Variants in OR1D2 observed in about 807,000 individuals in gnomAD.
OR1D2 encodes the protein olfactory receptor 1D2.
For missense variants in OR1D2, 357 were observed against 376.1 expected (o/e 0.95, Z 0.42); for synonymous variants, 157 against 153.9 (o/e 1.02, Z -0.15).
At chr17:3,095,368 G>C (rs1419360514) in intron 1 of OR1D2, among the ~76,000 whole-genome samples, 1 of 151,934 alleles carries the variant, frequency 6.6e-6, no homozygotes, top group African/African-American at 2.4e-5. Context: ...ATTCAAAATG[G>C]TTGAAGAAAA....
At chr17:3,100,015 C>A (rs769839071) in intron 1 of OR1D2, among the ~76,000 whole-genome samples, 14 of 152,104 alleles carry the variant, frequency 9.2e-5, no homozygotes, top group Non-Finnish European at 1.8e-4. Context: ...TACAGGAGCA[C>A]CCAGATTCGT....
chr17:3,093,293 G>A (rs560602350), intron 1 of OR1D2, among the ~76,000 whole-genome samples: 38 of 152,252 alleles, frequency 2.5e-4, no homozygotes, highest in Admixed American at 7.8e-4. Context: ...AGTGTGTTAT[G>A]ATATGTATAT....
rs1176226506 is a variant in OR1D2, at chr17:3,088,696, C to G, written c.*3362G>C. 1 of 138,712 alleles carries G rather than the reference C, an allele frequency of 7.2e-6. No individual in the cohort carries two copies. Among genetic ancestry groups the G allele is most frequent in the African/African-American group, 2.5e-5 (1 of 39,530 alleles). The allele number at this position is 138,712 out of a possible 1,614,324, so 8.6% of individuals were successfully genotyped here. A position where few individuals can be genotyped will look rare whatever the true frequency, so the allele number is the denominator to read the frequency against. ...GAACAGGACAGGGATTTTTACAATG[C>G]TTTTCCATACAATGTCTGTAATCTA... On this transcript the variant is annotated 3_prime_UTR_variant, in exon 2 of 2. Transcript: ENST00000641833.
chr17:3,104,041 A>G (rs1410810847), intron 1 of OR1D2, 58 bp downstream of exon 1: 1 of 152,142 alleles, frequency 6.6e-6, no homozygotes, highest in Non-Finnish European at 1.5e-5. Context: ...AAGAGAGAAG[A>G]TAAGAGAGAA....
intron 1 of OR1D2, among the ~76,000 whole-genome samples, chr17:3,100,405 C>A (rs1032466663): frequency 1.3e-5 from 2 of 152,170 alleles, no homozygotes; most frequent in Non-Finnish European, 2.9e-5. Context: ...GGAAATTGAA[C>A]AACCTACTCC....
Position 3,091,954 on chromosome 17 carries a change from G to A in OR1D2, c.*104C>T. On this transcript the variant is annotated 3_prime_UTR_variant, in exon 2 of 2. Coordinates refer to ENST00000641833, the MANE Select transcript of OR1D2 (RefSeq NM_002548.3). ...CATATCTATATGCTGTCTCTGAGCT[G>A]GAGCCATGTCCCAATCACTGCTGTA... is the stretch of plus-strand genomic sequence containing the variant. 1.2e-6 allele frequency: 1 copy of A among 846,408 alleles called. No individual in the cohort carries two copies. Among genetic ancestry groups the A allele is most frequent in the South Asian group, 1.7e-5 (1 of 59,120 alleles). 52.4% of individuals were successfully genotyped at this position (846,408 alleles called of 1,614,324 possible).
At position 3,091,329 on chromosome 17, in the gene OR1D2, CTG is replaced by C. The variant is rs1232175418; in HGVS notation, c.*727_*728del. The C allele has an allele frequency of 2.0e-5, 3 of 152,156 alleles. No individual in the cohort carries two copies. Among genetic ancestry groups the C allele is most frequent in the Non-Finnish European group, 4.4e-5 (3 of 68,014 alleles). 9.4% of individuals were successfully genotyped at this position (152,156 alleles called of 1,614,324 possible). A position where few individuals can be genotyped will look rare whatever the true frequency, so the allele number is the denominator to read the frequency against. On this transcript the variant is annotated 3_prime_UTR_variant, in exon 2 of 2. Transcript: ENST00000641833. ...AATATTTAGTATTTTCCAAATATGT[CTG>C]TTTCTCTTTTTAATTTCAAGCTTTA...
intron 1 of OR1D2, among the ~76,000 whole-genome samples, chr17:3,100,317 A>C (rs892525087): frequency 1.3e-5 from 2 of 152,084 alleles, no homozygotes; most frequent in African/African-American, 4.8e-5. Context: ...AACTGAAATA[A>C]TAACAGTCTC....
Position 3,097,477 on chromosome 17 carries a change from G to T in OR1D2, c.-50-4431C>A, listed in dbSNP as rs557291432. On this transcript the variant is annotated intron_variant, in intron 1 of 1. Coordinates refer to ENST00000641833, the MANE Select transcript of OR1D2 (RefSeq NM_002548.3). Reference sequence around the variant, plus strand: ...GAGTCCCCACCCCCAAGCCAAGGGAGGTGGTGAGTGAGCATGCTACCCAGC... The same window carrying T: ...GAGTCCCCACCCCCAAGCCAAGGGATGTGGTGAGTGAGCATGCTACCCAGC... 6.6e-5 allele frequency among the ~76,000 whole-genome samples: 10 copies of T among 152,242 alleles called. 1 individual carries two copies. In the South Asian group the frequency reaches 2.1e-3, roughly 32 times the overall value.
At chr17:3,093,152 A>G (rs2047826255) in intron 1 of OR1D2, 106 bp from the exon 2 acceptor site, 5 of 709,230 alleles carry the variant, frequency 7.0e-6, no homozygotes, top group East Asian at 2.7e-5. Flanking sequence ...AGTGAAAAAT[A>G]TAACAAAGTT....
At position 3,089,281 on chromosome 17, in the gene OR1D2, G is replaced by A. The variant is rs1320289083; in HGVS notation, c.*2777C>T. The A allele has an allele frequency of 2.0e-5, 3 of 152,254 alleles. No individual in the cohort carries two copies. The highest frequency in any genetic ancestry group is 7.2e-5 in the African/African-American group (3 of 41,440). 9.4% of individuals were successfully genotyped at this position (152,254 alleles called of 1,614,324 possible). On this transcript the variant is annotated 3_prime_UTR_variant, in exon 2 of 2. Transcript: ENST00000641833. Reference sequence around the variant, plus strand: ...GGTCTAGCCATCCAACAGAGCTTCTGGGCTCTGAGCTGGTACTGGGGGGTG... The same window carrying A: ...GGTCTAGCCATCCAACAGAGCTTCTAGGCTCTGAGCTGGTACTGGGGGGTG...
intron 1 of OR1D2, among the ~76,000 whole-genome samples, chr17:3,101,566 T>C (rs1027487903): frequency 3.9e-5 from 6 of 152,160 alleles, no homozygotes; most frequent in Non-Finnish European, 7.3e-5. Context: ...CAATATCATA[T>C]TGAATGAGCA....
Position 3,089,760 on chromosome 17 carries a change from A to T in OR1D2, c.*2298T>A, listed in dbSNP as rs1384991563. 1.3e-5 allele frequency: 2 copies of T among 152,266 alleles called. No homozygotes were observed. The highest frequency in any genetic ancestry group is 2.9e-5 in the Non-Finnish European group (2 of 68,114). The allele number at this position is 152,266 out of a possible 1,614,324, so 9.4% of individuals were successfully genotyped here. On this transcript the variant is annotated 3_prime_UTR_variant, in exon 2 of 2. Transcript: ENST00000641833. ...GTGTGGTTAACAGGCCAATGAAGTT[A>T]TGTTCCCATGGGGATTATGGCTGCC...
At chr17:3,103,982 A>G (rs1223123277) in intron 1 of OR1D2, 117 bp downstream of exon 1, 1 of 152,200 alleles carries the variant, frequency 6.6e-6, no homozygotes, top group Non-Finnish European at 1.5e-5. Context: ...GTGAGATTAC[A>G]TGAGTTCCCA....
Position 3,091,819 on chromosome 17 carries a change from G to T in OR1D2, c.*239C>A, listed in dbSNP as rs1399277828. 4.6e-5 allele frequency: 20 copies of T among 435,460 alleles called. No individual in the cohort carries two copies. Among genetic ancestry groups the T allele is most frequent in the Non-Finnish European group, 7.8e-5 (19 of 242,614 alleles). The allele number at this position is 435,460 out of a possible 1,614,324, so 27.0% of individuals were successfully genotyped here. ...TGGCCCTGTAGTCAAGTACATTGAAGAATTTGACCCTGCAACATTCTAGTG... is the reference window on the plus strand; with the variant it reads ...TGGCCCTGTAGTCAAGTACATTGAATAATTTGACCCTGCAACATTCTAGTG... On this transcript the variant is annotated 3_prime_UTR_variant, in exon 2 of 2. Transcript: ENST00000641833.
Position 3,091,788 on chromosome 17 carries a change from A to C in OR1D2, c.*270T>G, listed in dbSNP as rs1192974905. On this transcript the variant is annotated 3_prime_UTR_variant, in exon 2 of 2. Transcript: ENST00000641833. ...AACTGGATATAGTCAGATAAGGCCAAGAATGTGGCCCTGTAGTCAAGTACA... is the reference window on the plus strand; with the variant it reads ...AACTGGATATAGTCAGATAAGGCCACGAATGTGGCCCTGTAGTCAAGTACA... 5.6e-6 allele frequency: 2 copies of C among 354,526 alleles called. No individual in the cohort carries two copies. The highest frequency in any genetic ancestry group is 4.1e-5 in the African/African-American group (2 of 49,244). 22.0% of individuals were successfully genotyped at this position (354,526 alleles called of 1,614,324 possible).
At chr17:3,099,961 A>G (rs1302201359) in intron 1 of OR1D2, among the ~76,000 whole-genome samples, 2 of 152,240 alleles carry the variant, frequency 1.3e-5, no homozygotes, top group Non-Finnish European at 2.9e-5. Context: ...ATAGAGATCA[A>G]TGCAACAAGA....
chr17:3,094,712 C>G (rs970882974), intron 1 of OR1D2, among the ~76,000 whole-genome samples: 2 of 152,046 alleles, frequency 1.3e-5, no homozygotes, highest in African/African-American at 4.8e-5. Context: ...TTTGAAAAGA[C>G]CTCAAAGTAG....
Position 3,092,608 on chromosome 17 carries a change from AG to A in OR1D2, c.388del (p.Leu130SerfsTer7). 6.2e-7 allele frequency: 1 copy of A among 1,613,828 alleles called. No homozygotes were observed. The highest frequency in any genetic ancestry group is 8.5e-7 in the Non-Finnish European group (1 of 1,179,928). ...YDRYVAICCP[L>X]HYTTAMSPKL... ...AGGGCTCATGGCTGTGGTGTAGTGG[AG>A]GGGGCAGCAGATGGCCACATAGCGG... On this transcript the variant is annotated frameshift_variant, in exon 2 of 2. Transcript: ENST00000641833. LOFTEE classifies it low-confidence loss of function (END_TRUNC).
Sources: allele counts gnomAD v4.1 joint callset (sites outside exome capture counted in the v4.1 genomes callset), GRCh38; gene constraint gnomAD v4.1.1; transcripts MANE v1.5; gene names NCBI Gene and HGNC (gene_info 2026-07-23, HGNC 2026-07-21).